Variants in CHLSN observed in about 807,000 individuals in gnomAD.
CHLSN encodes protein cholesin.
At chr7:1,084,983 C>T in the CHLSN span, among the ~76,000 whole-genome samples, 1 of 152,192 alleles carries the variant, frequency 6.6e-6, no homozygotes, top group Admixed American at 6.5e-5. Flanking sequence ...GAGGGAGGGG[C>T]GCTGGGAAGG....
chr7:1,063,106 G>A, the CHLSN span, among the ~76,000 whole-genome samples: 3 of 152,112 alleles, frequency 2.0e-5, no homozygotes, highest in African/African-American at 4.8e-5. Flanking sequence ...TTCTGGCATC[G>A]CTCACAGACC....
chr7:1,137,390 T>A, the CHLSN span: 17 of 152,428 alleles, frequency 1.1e-4, no homozygotes, highest in Admixed American at 8.5e-4. Flanking sequence ...CAGACTTGTC[T>A]CCACTTGTTG....
chr7:1,006,037 G>A, the CHLSN span, among the ~76,000 whole-genome samples: 52 of 152,342 alleles, frequency 3.4e-4, no homozygotes, highest in African/African-American at 1.2e-3. Flanking sequence ...AATTTCCTGC[G>A]TTAAGCATAT....
chr7:1,124,262 C>T, the CHLSN span, among the ~76,000 whole-genome samples: 507 of 152,082 alleles, frequency 3.3e-3, 1 homozygote, highest in Non-Finnish European at 4.9e-3. Flanking sequence ...CCACAGTCAC[C>T]GTAAGCCGAG....
the CHLSN span, chr7:985,213 A>G: frequency 2.6e-6 from 4 of 1,557,312 alleles, no homozygotes; most frequent in Non-Finnish European, 3.5e-6. Context: ...CTCCAATATC[A>G]CCTTCGCGCT....
the CHLSN span, chr7:1,138,178 CA>C: frequency 6.6e-6 from 1 of 152,064 alleles, no homozygotes. Flanking sequence ...GCCGCCGCCC[CA>C]CGCGCCTACC....
At chr7:1,134,544 G>A in the CHLSN span, among the ~76,000 whole-genome samples, 1 of 151,386 alleles carries the variant, frequency 6.6e-6, no homozygotes, top group African/African-American at 2.4e-5. Context: ...ACTCCAGCAT[G>A]GGTAACAGAG....
chr7:1,133,786 G>A, the CHLSN span, among the ~76,000 whole-genome samples: 17 of 148,944 alleles, frequency 1.1e-4, no homozygotes, highest in East Asian at 2.0e-4. Context: ...GCTACTTTAC[G>A]ATAAATAAAT....
At chr7:981,525 C>T in the CHLSN span, among the ~76,000 whole-genome samples, 1 of 151,648 alleles carries the variant, frequency 6.6e-6, no homozygotes, top group Non-Finnish European at 1.5e-5. Context: ...ACTGTCCTGG[C>T]CAACATGGTG....
chr7:1,092,330 C>A, the CHLSN span: 1 of 1,611,384 alleles, frequency 6.2e-7, no homozygotes, highest in Non-Finnish European at 8.5e-7. Context: ...CTGCAGCACA[C>A]CGACGAGGCC....
the CHLSN span, among the ~76,000 whole-genome samples, chr7:978,389 A>G: frequency 6.6e-6 from 1 of 152,084 alleles, no homozygotes; most frequent in Non-Finnish European, 1.5e-5. Flanking sequence ...GTAGGGGCGC[A>G]CACCTGTGGT....
At chr7:997,586 C>T in the CHLSN span, 15 of 1,470,642 alleles carry the variant, frequency 1.0e-5, no homozygotes, top group Non-Finnish European at 1.3e-5. Flanking sequence ...TCTGAGGCAG[C>T]CCTGCACTGG....
the CHLSN span, among the ~76,000 whole-genome samples, chr7:1,113,862 C>T: frequency 2.6e-5 from 4 of 152,282 alleles, no homozygotes; most frequent in East Asian, 1.9e-4. Flanking sequence ...CTCCAGGACC[C>T]GGCCTGGACG....
the CHLSN span, among the ~76,000 whole-genome samples, chr7:1,001,057 C>T: frequency 6.6e-6 from 1 of 152,202 alleles, no homozygotes; most frequent in Admixed American, 6.5e-5. Context: ...ACAACCACCC[C>T]GCCCCCGTCC....
At chr7:1,135,746 C>G in the CHLSN span, among the ~76,000 whole-genome samples, 5 of 145,802 alleles carry the variant, frequency 3.4e-5, no homozygotes, top group African/African-American at 1.3e-4. Flanking sequence ...GCCTGGACAA[C>G]AGAGTGAGAC....
chr7:1,009,917 C>A, the CHLSN span: 2 of 1,498,552 alleles, frequency 1.3e-6, no homozygotes, highest in South Asian at 1.3e-5. Flanking sequence ...GACGCACGTC[C>A]GGGACAGAAC....
At chr7:978,607 C>T in the CHLSN span, among the ~76,000 whole-genome samples, 13 of 152,348 alleles carry the variant, frequency 8.5e-5, no homozygotes, top group African/African-American at 2.9e-4. Flanking sequence ...CCCGGATCCC[C>T]AGAGCCTGGA....
chr7:997,546 C>G, the CHLSN span: 1 of 1,275,112 alleles, frequency 7.8e-7, no homozygotes. Flanking sequence ...AACCCGGCCC[C>G]CACCGCCGGA....
the CHLSN span, among the ~76,000 whole-genome samples, chr7:1,016,304 TAGCAGCACAGCAGCACAC>T: frequency 2.5e-4 from 7 of 27,482 alleles, no homozygotes; most frequent in South Asian, 1.1e-3. Flanking sequence ...CGCCAGCACA[TAGCAGCACAGCAGCACAC>T]AGCAGCACAG....
Sources: allele counts gnomAD v4.1 joint callset (sites outside exome capture counted in the v4.1 genomes callset), GRCh38; gene constraint gnomAD v4.1.1; transcripts MANE v1.5; gene names NCBI Gene and HGNC (gene_info 2026-07-23, HGNC 2026-07-21).